UGGT1: variants seen among roughly 807,000 people sequenced by gnomAD.
UGGT1 encodes UDP-glucose:glycoprotein glucosyltransferase 1.
A neutral mutation model predicts 203.9 loss-of-function variants in UGGT1; 107 were observed. The observed-to-expected ratio is 0.52, with a 90% CI of 0.45 to 0.62. UGGT1 has a LOEUF of 0.62. UGGT1 is among the 20% of genes least tolerant of loss of function. The pLI is 0.00. For missense variants in UGGT1, 1,673 were observed against 1,867.2 expected (o/e 0.90, Z 1.92); for synonymous variants, 628 against 653.5 (o/e 0.96, Z 0.59).
At chr2:128,189,363 A>C (rs1285183169) in intron 40 of UGGT1, among the ~76,000 whole-genome samples, 4 of 152,212 alleles carry the variant, frequency 2.6e-5, no homozygotes, top group African/African-American at 9.7e-5. Flanking sequence ...CAGTTTAAAC[A>C]TCCAAGAATG....
At chr2:128,170,522 A>T in intron 27 of UGGT1, 132 bp downstream of exon 27, 1 of 680,406 alleles carries the variant, frequency 1.5e-6, no homozygotes, top group Non-Finnish European at 2.5e-6. Context: ...GTTCTAGGGC[A>T]GAGCAATCTT....
intron 26 of UGGT1, among the ~76,000 whole-genome samples, chr2:128,169,067 A>G (rs1690952516): frequency 1.1e-5 from 1 of 93,182 alleles, no homozygotes; most frequent in East Asian, 3.3e-4. Context: ...AAAAAAAAAA[A>G]AAAAAAAAAA....
In UGGT1 at chr2:128,177,815, A is replaced by G; in HGVS notation, c.3625-17A>G. The G allele has an allele frequency of 6.3e-7, 1 of 1,591,506 alleles. No homozygotes were observed. Among genetic ancestry groups the G allele is most frequent in the South Asian group, 1.1e-5 (1 of 87,498 alleles). On this transcript the variant is annotated splice_polypyrimidine_tract_variant and intron_variant, in intron 32 of 40. Coordinates refer to ENST00000259253, the MANE Select transcript of UGGT1 (RefSeq NM_020120.4). Reference sequence around the variant, plus strand: ...GTGAGACATACTGGGAGTAAGGTTTATCACATTTGATTGCAGGTTCAGAAG... The same window carrying G: ...GTGAGACATACTGGGAGTAAGGTTTGTCACATTTGATTGCAGGTTCAGAAG...
chr2:128,132,511 G>A (rs1012939641), intron 13 of UGGT1, among the ~76,000 whole-genome samples: 3 of 152,168 alleles, frequency 2.0e-5, no homozygotes, highest in African/African-American at 7.2e-5. Context: ...TTGCTCCACT[G>A]CACTTCAGCC....
At chr2:128,173,561 T>C (rs115258993) in intron 29 of UGGT1, among the ~76,000 whole-genome samples, 1 of 152,328 alleles carries the variant, frequency 6.6e-6, no homozygotes, top group African/African-American at 2.4e-5. Flanking sequence ...CAAAAAGTTC[T>C]TTTATACCCC....
Position 128,183,127 on chromosome 2 carries a change from C to T in UGGT1, c.4245-548C>T, listed in dbSNP as rs76621607. ...CTAGACGTAGACCTTTTAGGTCGAA[C>T]AGTGTGTGTGTTGTTACATTTCTAA... On this transcript the variant is annotated intron_variant, in intron 37 of 40. Coordinates refer to ENST00000259253, the MANE Select transcript of UGGT1 (RefSeq NM_020120.4). Among the ~76,000 whole-genome samples the T allele has an allele frequency of 2.2e-3, 333 of 152,280 alleles. 3 individuals are homozygous for T. Among genetic ancestry groups the T allele is most frequent in the African/African-American group, 7.4e-3 (309 of 41,540 alleles).
At chr2:128,183,857 A>G (rs1351656214) in intron 38 of UGGT1, 68 bp downstream of exon 38, 1 of 1,251,766 alleles carries the variant, frequency 8.0e-7, no homozygotes, top group African/African-American at 1.5e-5. Context: ...AAAATGAAGT[A>G]TTACTTGTGT....
intron 27 of UGGT1, 120 bp from the exon 28 acceptor site, chr2:128,171,085 G>T (rs1052649019): frequency 2.2e-6 from 2 of 911,118 alleles, no homozygotes; most frequent in Non-Finnish European, 3.3e-6. Flanking sequence ...AGTTTCGCCA[G>T]TGCAGACTCT....
chr2:128,154,926 G>A (rs1690155181), intron 19 of UGGT1, among the ~76,000 whole-genome samples: 1 of 152,130 alleles, frequency 6.6e-6, no homozygotes, highest in African/African-American at 2.4e-5. Flanking sequence ...TGGAATTCTA[G>A]GAATAATAAT....
intron 18 of UGGT1, 91 bp from the exon 19 acceptor site, chr2:128,152,693 A>T: frequency 1.3e-6 from 2 of 1,501,862 alleles, no homozygotes; most frequent in Non-Finnish European, 1.8e-6. Context: ...GAAGCCATTT[A>T]TAAAGTTAAT....
chr2:128,108,083 C>T lies in UGGT1; in HGVS notation c.408+15C>T. On this transcript the variant is annotated intron_variant, in intron 4 of 40. Coordinates refer to ENST00000259253, the MANE Select transcript of UGGT1 (RefSeq NM_020120.4). ...CCTTCCAGCAGGTGGGTCCAGTGCT[C>T]TTAAAGAACAGCATTTTAGAGTGTA... The T allele has an allele frequency of 6.2e-7, 1 of 1,613,728 alleles. No individual in the cohort carries two copies. The highest frequency in any genetic ancestry group is 2.2e-5 in the East Asian group (1 of 44,876).
chr2:128,120,566 C>A, intron 9 of UGGT1, 110 bp downstream of exon 9: 1 of 809,844 alleles, frequency 1.2e-6, no homozygotes, highest in Non-Finnish European at 2.0e-6. Flanking sequence ...CTGAAGGTGC[C>A]TCAGATTTTA....
intron 33 of UGGT1, among the ~76,000 whole-genome samples, 158 bp from the exon 34 acceptor site, chr2:128,178,310 T>C (rs962395356): frequency 1.5e-4 from 23 of 152,308 alleles, no homozygotes; most frequent in African/African-American, 5.5e-4. Context: ...GTCAGTCTTG[T>C]GGTCTCTCCA....
intron 11 of UGGT1, among the ~76,000 whole-genome samples, chr2:128,123,681 C>CT (rs1231296076): frequency 6.6e-5 from 10 of 152,262 alleles, no homozygotes; most frequent in East Asian, 3.9e-4. Context: ...GGCACTGTTC[C>CT]TGTCTATCCA....
chr2:128,162,154 A>T (rs1185152549), intron 25 of UGGT1, among the ~76,000 whole-genome samples: 1 of 150,176 alleles, frequency 6.7e-6, no homozygotes, highest in Non-Finnish European at 1.5e-5. Context: ...TCATGTGCAG[A>T]TTGGCCATTT....
chr2:128,173,809 A>T lies in UGGT1; in HGVS notation c.3323A>T (p.Glu1108Val). The T allele has an allele frequency of 6.2e-7, 1 of 1,614,148 alleles. No individual in the cohort carries two copies. The highest frequency in any genetic ancestry group is 8.5e-7 in the Non-Finnish European group (1 of 1,180,014). ...EVDSVVAAEY[E>V]LEYLLLEGHC... is the part of the protein sequence containing the mutation. The stretch of plus-strand genomic sequence containing the variant: ...GACAGTGTAGTGGCTGCTGAGTATG[A>T]GCTGGAATACCTGTTACTGGAAGGT... The change falls in exon 30 of 41, where the codon GAG becomes GTG. Residue 1108 changes from glutamate to valine, a missense_variant. By Grantham distance (121) the Glu-to-Val change is moderately radical. Coordinates refer to ENST00000259253, the MANE Select transcript of UGGT1 (RefSeq NM_020120.4).
chr2:128,175,253 A>C (rs1282662913), intron 31 of UGGT1, among the ~76,000 whole-genome samples: 2 of 152,228 alleles, frequency 1.3e-5, no homozygotes, highest in Non-Finnish European at 2.9e-5. Flanking sequence ...TTGCAAATGC[A>C]CAGTACATGG....
chr2:128,113,573 C>T lies in UGGT1; in HGVS notation c.696+315C>T, dbSNP rs535916977. Among the ~76,000 whole-genome samples, 13 of 152,164 alleles carry T rather than the reference C, an allele frequency of 8.5e-5. No individual in the cohort carries two copies. The South Asian group carries it at 1.9e-3, about 22-fold the overall frequency. ...GGAACTGATTGTTGAATTCAGTTTC[C>T]TTTCCAACCTTTTTTCTTCTGTTTT... On this transcript the variant is annotated intron_variant, in intron 6 of 40. Transcript: ENST00000259253.
At chr2:128,154,060 TACACAC>T (rs10597837) in intron 19 of UGGT1, among the ~76,000 whole-genome samples, 11 of 149,794 alleles carry the variant, frequency 7.3e-5, no homozygotes, top group Admixed American at 2.7e-4. Flanking sequence ...CATGTATATA[TACACAC>T]ACACACACAC....
Sources: gnomAD v4.1 joint callset for allele counts (sites outside exome capture counted in the v4.1 genomes callset) on GRCh38, gnomAD v4.1.1 for gene constraint, MANE v1.5 for transcripts, NCBI Gene and HGNC (gene_info 2026-07-23, HGNC 2026-07-21) for gene names.